SNCAIP: variants seen among roughly 807,000 people sequenced by gnomAD.
The protein encoded by SNCAIP is synphilin-1.
SNCAIP carries 43 observed loss-of-function variants against 86.7 expected under a neutral mutation model. The observed-to-expected ratio is 0.50, with a 90% CI of 0.39 to 0.64. The LOEUF is 0.64. SNCAIP is among the 30% of genes least tolerant of loss of function. The pLI is 0.00. For synonymous variants in SNCAIP, 417 were observed against 427.2 expected (o/e 0.98, Z 0.29); for missense variants, 981 against 1,103.1 (o/e 0.89, Z 1.57).
intron 3 of SNCAIP, among the ~76,000 whole-genome samples, chr5:122,422,488 A>G (rs889798549): frequency 4.6e-5 from 7 of 152,146 alleles, no homozygotes; most frequent in Non-Finnish European, 1.0e-4. Flanking sequence ...TCAGTTTGGA[A>G]GTTTATTTAA....
At chr5:122,331,647 G>T (rs1643439158) in intron 1 of SNCAIP, among the ~76,000 whole-genome samples, 1 of 152,166 alleles carries the variant, frequency 6.6e-6, no homozygotes, top group Non-Finnish European at 1.5e-5. Context: ...TCAGGTGAGG[G>T]CCCACTTTCT....
intron 1 of SNCAIP, among the ~76,000 whole-genome samples, chr5:122,349,802 A>G (rs1759400211): frequency 6.6e-6 from 1 of 152,094 alleles, no homozygotes; most frequent in Admixed American, 6.6e-5. Context: ...TTTATTTCCT[A>G]TGCTGTGGTG....
chr5:122,424,397 A>G (rs868409124), intron 4 of SNCAIP, among the ~76,000 whole-genome samples: 1 of 152,208 alleles, frequency 6.6e-6, no homozygotes, highest in South Asian at 2.1e-4. Context: ...CCATCTGCCT[A>G]CATTGTTCTT....
At chr5:122,333,388 TTTA>T (rs1755774219) in intron 1 of SNCAIP, among the ~76,000 whole-genome samples, 2 of 152,246 alleles carry the variant, frequency 1.3e-5, no homozygotes, top group African/African-American at 4.8e-5. Flanking sequence ...CCTGTCTCAG[TTTA>T]TTGACTTCCG....
intron 1 of SNCAIP, among the ~76,000 whole-genome samples, chr5:122,348,914 G>T (rs1561555276): frequency 6.6e-6 from 1 of 151,970 alleles, no homozygotes; most frequent in Non-Finnish European, 1.5e-5. Flanking sequence ...CAATTGATTT[G>T]GTCTTTAATC....
intron 7 of SNCAIP, chr5:122,444,083 C>T (rs750954392): frequency 1.5e-5 from 7 of 456,982 alleles, no homozygotes; most frequent in South Asian, 1.1e-4. Context: ...CATTTCTTTC[C>T]AGTTCTTTTT....
chr5:122,367,697 C>A (rs1763461145), intron 1 of SNCAIP, among the ~76,000 whole-genome samples: 1 of 152,004 alleles, frequency 6.6e-6, no homozygotes, highest in Non-Finnish European at 1.5e-5. Flanking sequence ...GGCAAAGAAC[C>A]CAGGTAGCAC....
intron 7 of SNCAIP, 149 bp from the exon 8 acceptor site, chr5:122,444,414 T>A: frequency 4.0e-6 from 3 of 753,040 alleles, no homozygotes; most frequent in Non-Finnish European, 7.2e-6. Context: ...CTCTGCTACA[T>A]CATCATAGAC....
intron 1 of SNCAIP, among the ~76,000 whole-genome samples, chr5:122,374,191 G>T (rs1764816825): frequency 6.6e-6 from 1 of 152,158 alleles, no homozygotes; most frequent in South Asian, 2.1e-4. Flanking sequence ...GATTGGAGAT[G>T]ATGATTCAGA....
intron 6 of SNCAIP, 97 bp downstream of exon 6, chr5:122,432,179 T>G: frequency 1.4e-6 from 1 of 716,908 alleles, no homozygotes; most frequent in South Asian, 1.5e-5. Flanking sequence ...TAAGAAATCA[T>G]CAAAAATGTA....
chr5:122,379,664 T>C (rs1447753985), intron 1 of SNCAIP, among the ~76,000 whole-genome samples: 2 of 151,998 alleles, frequency 1.3e-5, no homozygotes, highest in African/African-American at 4.8e-5. Flanking sequence ...CAGTATGATA[T>C]TGGCTGTGAG....
intron 8 of SNCAIP, among the ~76,000 whole-genome samples, chr5:122,448,669 ATT>A (rs1318402689): frequency 1.5e-5 from 2 of 136,676 alleles, no homozygotes; most frequent in Non-Finnish European, 3.1e-5. Flanking sequence ...TATTATATAT[ATT>A]ATATATGTTA....
At chr5:122,446,999 C>A (rs944248112) in intron 8 of SNCAIP, among the ~76,000 whole-genome samples, 1 of 152,192 alleles carries the variant, frequency 6.6e-6, no homozygotes, top group African/African-American at 2.4e-5. Context: ...AGCACCTTTA[C>A]AGAAGTTATC....
At chr5:122,385,962 G>T (rs1489385128) in intron 1 of SNCAIP, among the ~76,000 whole-genome samples, 1 of 152,148 alleles carries the variant, frequency 6.6e-6, no homozygotes, top group Non-Finnish European at 1.5e-5. Context: ...CTGACTCCTT[G>T]TAAAATAGAG....
chr5:122,329,677 C>T (rs959299236), intron 1 of SNCAIP, among the ~76,000 whole-genome samples: 1 of 152,134 alleles, frequency 6.6e-6, no homozygotes, highest in African/African-American at 2.4e-5. Context: ...GGAGCAGAAA[C>T]AGCTTATGTG....
intron 1 of SNCAIP, among the ~76,000 whole-genome samples, chr5:122,332,210 G>C (rs1561525568): frequency 6.6e-6 from 1 of 152,186 alleles, no homozygotes; most frequent in Non-Finnish European, 1.5e-5. Flanking sequence ...ATAATGATGT[G>C]TCATCCTGGA....
At chr5:122,317,796 C>T (rs978965266) in intron 1 of SNCAIP, among the ~76,000 whole-genome samples, 1 of 152,112 alleles carries the variant, frequency 6.6e-6, no homozygotes. Flanking sequence ...CCTCTCACTA[C>T]ACCTCCAAGC....
chr5:122,357,197 A>G (rs552287108), intron 1 of SNCAIP, among the ~76,000 whole-genome samples: 139 of 151,962 alleles, frequency 9.1e-4, no homozygotes, highest in Non-Finnish European at 1.5e-3. Flanking sequence ...TCTTTTGTCA[A>G]TTGTATGTCT....
intron 10 of SNCAIP, among the ~76,000 whole-genome samples, chr5:122,459,387 C>CT (rs1785556710): frequency 6.6e-6 from 1 of 152,088 alleles, no homozygotes; most frequent in South Asian, 2.1e-4. Context: ...TAAATTTAAG[C>CT]TTTTTTTCTT....
Sources: gnomAD v4.1 joint callset for allele counts (sites outside exome capture counted in the v4.1 genomes callset) on GRCh38, gnomAD v4.1.1 for gene constraint, MANE v1.5 for transcripts, NCBI Gene and HGNC (gene_info 2026-07-23, HGNC 2026-07-21) for gene names.